The following SYT14 variants were observed in gnomAD, a reference collection of about 807,000 sequenced individuals.
SYT14 encodes the protein synaptotagmin-14.
Under a neutral mutation model 74.2 loss-of-function variants are expected in SYT14, and 32 were observed. The ratio of observed to expected loss-of-function variants is 0.43; its 90% CI spans 0.33 to 0.58. The LOEUF (loss-of-function observed/expected upper bound fraction) is 0.58. SYT14 is among the 20% of genes least tolerant of loss of function. SYT14 has a pLI of 0.05. For missense variants in SYT14, 791 were observed against 981.8 expected (o/e 0.81, Z 2.60); for synonymous variants, 298 against 337.7 (o/e 0.88, Z 1.29).
chr1:210,022,054 C>T (rs1271441336), intron 5 of SYT14, among the ~76,000 whole-genome samples: 1 of 152,108 alleles, frequency 6.6e-6, no homozygotes, highest in Non-Finnish European at 1.5e-5. Flanking sequence ...TGATTATTAT[C>T]TTTATACCCA....
intron 5 of SYT14, among the ~76,000 whole-genome samples, chr1:210,067,323 T>C (rs2081314517): frequency 6.6e-6 from 1 of 152,016 alleles, no homozygotes; most frequent in Admixed American, 6.6e-5. Flanking sequence ...ACTTGACAAT[T>C]TTTACAAAGA....
intron 7 of SYT14, among the ~76,000 whole-genome samples, chr1:210,127,515 G>A (rs909132262): frequency 6.6e-6 from 1 of 152,170 alleles, no homozygotes; most frequent in African/African-American, 2.4e-5. Context: ...CAAAGTAGGA[G>A]GAGAGCCCTT....
intron 2 of SYT14, 108 bp downstream of exon 2, chr1:209,952,864 T>G: frequency 8.5e-7 from 1 of 1,169,660 alleles, no homozygotes. Flanking sequence ...AGTGTAAATT[T>G]TAGTAAATAT....
chr1:210,028,301 A>G (rs2080457044), intron 5 of SYT14, among the ~76,000 whole-genome samples: 1 of 152,116 alleles, frequency 6.6e-6, no homozygotes, highest in Non-Finnish European at 1.5e-5. Flanking sequence ...AAAATTTACC[A>G]TCTCAACCAT....
At chr1:210,100,608 G>A (rs1558189229) in intron 7 of SYT14, 147 bp downstream of exon 6, 4 of 777,990 alleles carry the variant, frequency 5.1e-6, no homozygotes, top group East Asian at 5.4e-5. Flanking sequence ...TCTAAGCCCT[G>A]GATAGATAGA....
intron 5 of SYT14, among the ~76,000 whole-genome samples, chr1:210,047,433 T>C (rs1413072387): frequency 3.3e-5 from 5 of 152,206 alleles, no homozygotes; most frequent in Non-Finnish European, 7.3e-5. Flanking sequence ...AGTCTCACAC[T>C]GTCGGCCGGG....
chr1:210,086,219 A>G (rs929341520), intron 5 of SYT14, among the ~76,000 whole-genome samples: 1 of 152,104 alleles, frequency 6.6e-6, no homozygotes, highest in Non-Finnish European at 1.5e-5. Context: ...CATAATGTTC[A>G]CTTTGATCTC....
intron 5 of SYT14, among the ~76,000 whole-genome samples, chr1:210,031,774 G>T (rs2080541435): frequency 6.6e-6 from 1 of 152,020 alleles, no homozygotes; most frequent in South Asian, 2.1e-4. Flanking sequence ...TTCTCAGGTT[G>T]TTTTCTTGTT....
chr1:210,018,885 C>G (rs1249312746), intron 4 of SYT14, among the ~76,000 whole-genome samples: 1 of 152,050 alleles, frequency 6.6e-6, no homozygotes, highest in Non-Finnish European at 1.5e-5. Context: ...CGCCTGTAAT[C>G]CCAGCACTTT....
intron 7 of SYT14, among the ~76,000 whole-genome samples, chr1:210,106,925 C>T (rs2082168910): frequency 6.6e-6 from 1 of 152,238 alleles, no homozygotes; most frequent in Non-Finnish European, 1.5e-5. Context: ...GTCCCTTCCA[C>T]CTATGAGCCT....
At chr1:210,152,103 G>A (rs1013433491) in intron 7 of SYT14, among the ~76,000 whole-genome samples, 4 of 152,184 alleles carry the variant, frequency 2.6e-5, no homozygotes, top group Admixed American at 6.5e-5. Context: ...CATAAGTGAT[G>A]ATATATCCTA....
At chr1:210,149,286 G>A (rs187245137) in intron 7 of SYT14, among the ~76,000 whole-genome samples, 55 of 147,958 alleles carry the variant, frequency 3.7e-4, no homozygotes, top group Admixed American at 2.0e-3. Flanking sequence ...GCAGGTTCAA[G>A]CAATTTTCAT....
Position 209,938,389 on chromosome 1 carries a change from A to G in SYT14, c.-534+112A>G, listed in dbSNP as rs1411765000. 3 of 1,073,532 alleles carry G rather than the reference A, an allele frequency of 2.8e-6. No homozygotes were observed. In the African/African-American group the frequency reaches 4.9e-5, roughly 17 times the overall value. 66.5% of individuals were successfully genotyped at this position (1,073,532 alleles called of 1,614,324 possible). A position where few individuals can be genotyped will look rare whatever the true frequency, so the allele number is the denominator to read the frequency against. ...GACGGGGCCGCCTCCTGTGGTCTGG[A>G]GCCGGCTGAAGACGCGCGGGGGTCC... On this transcript the variant is annotated intron_variant, in intron 1 of 9. Transcript: ENST00000637265.
chr1:210,129,796 C>T (rs1280506692), intron 7 of SYT14, among the ~76,000 whole-genome samples: 16 of 152,130 alleles, frequency 1.1e-4, no homozygotes, highest in Non-Finnish European at 2.2e-4. Flanking sequence ...GCCCTGAAAA[C>T]GGTGATTCTC....
chr1:209,951,657 A>G (rs1367215072), intron 1 of SYT14, among the ~76,000 whole-genome samples: 2 of 152,216 alleles, frequency 1.3e-5, no homozygotes, highest in Non-Finnish European at 2.9e-5. Context: ...CATATGTTAT[A>G]TAAAAAGGTT....
At chr1:209,939,807 G>T (rs2078700609) in intron 1 of SYT14, among the ~76,000 whole-genome samples, 2 of 152,218 alleles carry the variant, frequency 1.3e-5, no homozygotes, top group South Asian at 4.1e-4. Context: ...TCAGGCAGAT[G>T]CCATTCGGAT....
intron 7 of SYT14, among the ~76,000 whole-genome samples, chr1:210,132,798 T>C (rs2082704356): frequency 1.3e-5 from 2 of 152,188 alleles, no homozygotes; most frequent in African/African-American, 4.8e-5. Context: ...TCCATGGTAC[T>C]GACAAGTCCC....
At chr1:210,087,242 C>T (rs528231617) in intron 5 of SYT14, among the ~76,000 whole-genome samples, 32 of 152,280 alleles carry the variant, frequency 2.1e-4, no homozygotes, top group Middle Eastern at 3.4e-3. Flanking sequence ...CTGGATACCC[C>T]GCCCATGCTG....
intron 5 of SYT14, among the ~76,000 whole-genome samples, chr1:210,036,403 C>G (rs1251058640): frequency 6.6e-6 from 1 of 151,958 alleles, no homozygotes; most frequent in Non-Finnish European, 1.5e-5. Flanking sequence ...TTACTATTTT[C>G]CAGTTTGGAT....
Sources: gnomAD v4.1 joint callset for allele counts (sites outside exome capture counted in the v4.1 genomes callset) on GRCh38, gnomAD v4.1.1 for gene constraint, MANE v1.5 for transcripts, NCBI Gene and HGNC (gene_info 2026-07-23, HGNC 2026-07-21) for gene names.